The following UBE2Q2 variants were observed in gnomAD, a reference collection of about 807,000 sequenced individuals.
UBE2Q2 encodes the protein ubiquitin-conjugating enzyme E2 Q2.
UBE2Q2 carries 54 observed loss-of-function variants against 59.9 expected under a neutral mutation model. The observed-to-expected ratio is 0.90, with a 90% CI of 0.72 to 1.13. The LOEUF (loss-of-function observed/expected upper bound fraction) is 1.13. UBE2Q2 is among the 50% of genes most tolerant of loss of function. The probability of loss-of-function intolerance (pLI) is 0.00; values close to 1 mark genes in which losing one functional copy is unlikely to be tolerated. For missense variants in UBE2Q2, 433 were observed against 441.9 expected, an observed-to-expected ratio of 0.98 and a Z score of 0.18; for synonymous variants, 165 against 155.2, an observed-to-expected ratio of 1.06 and a Z score of -0.47.
chr15:75,893,826 A>C (rs953074017), intron 11 of UBE2Q2, among the ~76,000 whole-genome samples: 1 of 152,246 alleles, frequency 6.6e-6, no homozygotes, highest in Middle Eastern at 3.2e-3. Flanking sequence ...CATAGTTTTA[A>C]AAAGTAAAAT....
chr15:75,843,546 C>G lies in UBE2Q2; in HGVS notation c.-121C>G, dbSNP rs1386588152. 1.4e-5 allele frequency: 9 copies of G among 630,698 alleles called. No homozygotes were observed. Among genetic ancestry groups the G allele is most frequent in the Non-Finnish European group, 6.6e-6 (3 of 452,082 alleles). The allele number at this position is 630,698 out of a possible 1,614,324, so 39.1% of individuals were successfully genotyped here. Reference sequence around the variant, plus strand: ...AGCAGCGCTCGACGAGGCGGAGCCGCGAGAGCGCGGCCCAGGCCGGCCCCG... The same window carrying G: ...AGCAGCGCTCGACGAGGCGGAGCCGGGAGAGCGCGGCCCAGGCCGGCCCCG... On this transcript the variant is annotated 5_prime_UTR_variant, in exon 1 of 13. Coordinates refer to ENST00000267938, the MANE Select transcript of UBE2Q2 (RefSeq NM_173469.4).
At chr15:75,852,546 CA>C (rs1896683527) in intron 1 of UBE2Q2, among the ~76,000 whole-genome samples, 8 of 152,162 alleles carry the variant, frequency 5.3e-5, no homozygotes, top group Non-Finnish European at 8.8e-5. Flanking sequence ...AGAGTGAAGA[CA>C]TGTATGTTTC....
At chr15:75,862,451 C>T (rs1897248526) in intron 3 of UBE2Q2, among the ~76,000 whole-genome samples, 1 of 145,604 alleles carries the variant, frequency 6.9e-6, no homozygotes, top group South Asian at 2.2e-4. Flanking sequence ...CCTCAGGTAT[C>T]TATTCTATGT....
chr15:75,859,852 C>T lies in UBE2Q2; in HGVS notation c.283-26C>T, dbSNP rs765086621. 8 of 1,531,560 alleles carry T rather than the reference C, an allele frequency of 5.2e-6. No homozygotes were observed. The Admixed American group carries it at 1.0e-4, about 19-fold the overall frequency. 94.9% of individuals were successfully genotyped at this position (1,531,560 alleles called of 1,614,324 possible). On this transcript the variant is annotated intron_variant, in intron 2 of 12. Transcript: ENST00000267938. ...CTTCTAAGGGCTCTTTAACATAATG[C>T]TTATTTACTGAAATGTGTTTTGTAG...
rs765609658 is a variant in UBE2Q2, at chr15:75,873,583, A to C, written c.588+15A>C. ...ACCATTTAAATGTAAGTGTGTGTAG[A>C]TATCTAGAACCTGGACTTTTGTGGT... On this transcript the variant is annotated intron_variant, in intron 5 of 12. Transcript: ENST00000267938. The C allele has an allele frequency of 6.2e-7, 1 of 1,603,516 alleles. No individual in the cohort carries two copies. Among genetic ancestry groups the C allele is most frequent in the Non-Finnish European group, 8.5e-7 (1 of 1,176,750 alleles).
At position 75,873,528 on chromosome 15, in the gene UBE2Q2, T is replaced by G; in HGVS notation, c.548T>G (p.Leu183Ter). The G allele has an allele frequency of 6.2e-7, 1 of 1,613,810 alleles. No homozygotes were observed. The highest frequency in any genetic ancestry group is 8.5e-7 in the Non-Finnish European group (1 of 1,179,888). Residue 183 changes from leucine (L) to a stop codon, truncating the protein, a stop_gained, in exon 5 of 13, where the codon TTA (leucine) becomes TGA (stop). Coordinates refer to ENST00000267938, the MANE Select transcript of UBE2Q2 (RefSeq NM_173469.4). LOFTEE classifies it high-confidence loss of function. The part of the protein sequence containing the change: ...EGIEKENLAI[L>*]EKIRKTQRQD... ...ATTGAAAAAGAAAATTTGGCAATATTAGAGAAAATTAGGAAGACTCAAAGG... is the reference window on the plus strand; with the variant it reads ...ATTGAAAAAGAAAATTTGGCAATATGAGAGAAAATTAGGAAGACTCAAAGG...
chr15:75,851,515 G>C (rs192260168), intron 1 of UBE2Q2, among the ~76,000 whole-genome samples: 1 of 152,072 alleles, frequency 6.6e-6, no homozygotes, highest in Non-Finnish European at 1.5e-5. Flanking sequence ...AACGGTGGTG[G>C]ATACAAGTTT....
At chr15:75,865,229 T>A (rs762440635) in intron 3 of UBE2Q2, among the ~76,000 whole-genome samples, 17 of 152,388 alleles carry the variant, frequency 1.1e-4, no homozygotes, top group Non-Finnish European at 2.1e-4. Context: ...CACTTATGTA[T>A]GCATCCTTGA....
chr15:75,871,566 G>A (rs1203537571), intron 4 of UBE2Q2, among the ~76,000 whole-genome samples: 1 of 152,216 alleles, frequency 6.6e-6, no homozygotes, highest in African/African-American at 2.4e-5. Context: ...ATTAGGAAGT[G>A]GTGATGACTC....
At position 75,899,675 on chromosome 15, in the gene UBE2Q2, G is replaced by A. The variant is rs1197717452; in HGVS notation, c.*217G>A. The stretch of plus-strand genomic sequence containing the variant: ...TGGACTGAGCAGTGGGGCCTTTACT[G>A]TATTTTTCCTGATAAATACACATAC... On this transcript the variant is annotated 3_prime_UTR_variant, in exon 13 of 13. Transcript: ENST00000267938. The A allele has an allele frequency of 9.6e-6, 3 of 313,724 alleles. No individual in the cohort carries two copies. Among genetic ancestry groups the A allele is most frequent in the South Asian group, 7.3e-5 (1 of 13,676 alleles). The allele number at this position is 313,724 out of a possible 1,614,324, so 19.4% of individuals were successfully genotyped here.
At chr15:75,895,179 C>T (rs1018500099) in intron 11 of UBE2Q2, 2 of 151,500 alleles carry the variant, frequency 1.3e-5, no homozygotes, top group African/African-American at 2.4e-5. Flanking sequence ...GAGCGAGACT[C>T]CGTCTCAAAA....
At position 75,873,586 on chromosome 15, in the gene UBE2Q2, T is replaced by C. The variant is rs765599047; in HGVS notation, c.588+18T>C. On this transcript the variant is annotated intron_variant, in intron 5 of 12. Transcript: ENST00000267938. ...ATTTAAATGTAAGTGTGTGTAGATATCTAGAACCTGGACTTTTGTGGTTAA... is the reference window on the plus strand; with the variant it reads ...ATTTAAATGTAAGTGTGTGTAGATACCTAGAACCTGGACTTTTGTGGTTAA... The C allele has an allele frequency of 3.4e-5, 54 of 1,597,292 alleles. No homozygotes were observed. Among genetic ancestry groups the C allele is most frequent in the Non-Finnish European group, 4.2e-5 (49 of 1,174,802 alleles).
At chr15:75,845,603 A>G (rs751338461) in intron 1 of UBE2Q2, among the ~76,000 whole-genome samples, 8 of 152,214 alleles carry the variant, frequency 5.3e-5, no homozygotes, top group Non-Finnish European at 1.0e-4. Context: ...TGTATCTTTC[A>G]TCCAGGATTA....
intron 6 of UBE2Q2, 66 bp from the exon 7 acceptor site, chr15:75,877,895 A>G: frequency 6.7e-7 from 1 of 1,491,512 alleles, no homozygotes; most frequent in Non-Finnish European, 9.2e-7. Context: ...TAGTGTATAC[A>G]TTTATACCAT....
At position 75,844,635 on chromosome 15, in the gene UBE2Q2, A is replaced by C. The variant is rs1259775273; in HGVS notation, c.180+789A>C. 19 of 824,378 alleles carry C rather than the reference A, an allele frequency of 2.3e-5. No homozygotes were observed. In the East Asian group the frequency reaches 2.8e-4, roughly 12 times the overall value. The allele number at this position is 824,378 out of a possible 1,614,324, so 51.1% of individuals were successfully genotyped here. A position where few individuals can be genotyped will look rare whatever the true frequency, so the allele number is the denominator to read the frequency against. On this transcript the variant is annotated intron_variant, in intron 1 of 12. Coordinates refer to ENST00000267938, the MANE Select transcript of UBE2Q2 (RefSeq NM_173469.4). Reference sequence around the variant, plus strand: ...GACACTTTTAAAAACTCACTCATTAAGCGGAAATCTCATTAGAAACCCAAG... The same window carrying C: ...GACACTTTTAAAAACTCACTCATTACGCGGAAATCTCATTAGAAACCCAAG...
At chr15:75,892,823 G>C (rs944444641) in intron 11 of UBE2Q2, among the ~76,000 whole-genome samples, 2 of 152,156 alleles carry the variant, frequency 1.3e-5, no homozygotes, top group Non-Finnish European at 2.9e-5. Flanking sequence ...CTGCACTGAG[G>C]CATGTTTGCG....
In UBE2Q2 at chr15:75,899,428, C is replaced by A; in HGVS notation, c.1098C>A (p.Gly366=). 1 of 1,583,796 alleles carries A rather than the reference C, an allele frequency of 6.3e-7. No homozygotes were observed. The highest frequency in any genetic ancestry group is 8.6e-7 in the Non-Finnish European group (1 of 1,166,678). Residue 366 remains glycine (G), a splice_region_variant and synonymous_variant, in exon 13 of 13, where the codon GGC becomes GGA. Transcript: ENST00000267938. ...TTTTTTTTTTTCATTCTATTTCAGG[C>A]TGGTACACCCCTCCAAAGGAAGATG... ...NSIVQIHEKN[G]WYTPPKEDG is the part of the protein sequence containing the mutation.
chr15:75,872,856 A>AT (rs1235116201), intron 4 of UBE2Q2, among the ~76,000 whole-genome samples: 1 of 145,932 alleles, frequency 6.9e-6, no homozygotes, highest in Non-Finnish European at 1.5e-5. Flanking sequence ...CGTAACTGAA[A>AT]TTCTTTCTAT....
chr15:75,869,066 A>G, intron 4 of UBE2Q2, 56 bp downstream of exon 4: 1 of 1,435,052 alleles, frequency 7.0e-7, no homozygotes, highest in African/African-American at 1.4e-5. Flanking sequence ...TGAACATTTG[A>G]GTAATTCTCA....
Sources: allele counts gnomAD v4.1 joint callset (sites outside exome capture counted in the v4.1 genomes callset), GRCh38; gene constraint gnomAD v4.1.1; transcripts MANE v1.5; gene names NCBI Gene and HGNC (gene_info 2026-07-23, HGNC 2026-07-21).